SND1: variants seen among roughly 807,000 people sequenced by gnomAD.
SND1 encodes staphylococcal nuclease domain-containing protein 1.
SND1 carries 38 observed loss-of-function variants against 121.7 expected under a neutral mutation model. The ratio of observed to expected loss-of-function variants is 0.31; its 90% CI spans 0.24 to 0.41. SND1 has a LOEUF of 0.41. SND1 is among the 10% of genes least tolerant of loss of function. The probability of loss-of-function intolerance (pLI) is 1.00; values close to 1 mark genes in which losing one functional copy is unlikely to be tolerated. For synonymous variants in SND1, 401 were observed against 447.4 expected, an observed-to-expected ratio of 0.90 and a Z score of 1.31; for missense variants, 868 against 1,184.6, an observed-to-expected ratio of 0.73 and a Z score of 3.92.
intron 15 of SND1, among the ~76,000 whole-genome samples, chr7:127,985,674 A>G (rs1442878836): frequency 6.6e-6 from 1 of 152,236 alleles, no homozygotes; most frequent in East Asian, 1.9e-4. Context: ...AACTAACTTC[A>G]TGAGCACAAA....
At chr7:127,826,139 C>A (rs1459793193) in intron 11 of SND1, among the ~76,000 whole-genome samples, 2 of 152,110 alleles carry the variant, frequency 1.3e-5, no homozygotes, top group African/African-American at 4.8e-5. Context: ...TGCAGTGAGC[C>A]AAGATTGCGC....
rs377451926 is a variant in SND1 at position 128,029,568 on chromosome 7, G to A, written c.1779+38512G>A. On this transcript the variant is annotated intron_variant, in intron 16 of 23. Coordinates refer to ENST00000354725, the MANE Select transcript of SND1 (RefSeq NM_014390.4). The surrounding 1 kb of genome is among the most constrained non-coding windows in gnomAD (Gnocchi z 4.2). The stretch of plus-strand genomic sequence containing the variant: ...CTCAGAAATGTTGAGGTCTCGAGGT[G>A]CGTCCATGATGAAGGGGGCAGAGCA... 23 of 1,613,974 alleles carry A rather than the reference G, an allele frequency of 1.4e-5. No individual in the cohort carries two copies. Among genetic ancestry groups the A allele is most frequent in the Non-Finnish European group, 1.9e-5 (23 of 1,180,034 alleles).
intron 16 of SND1, chr7:127,998,961 A>G (rs1158925924): frequency 6.6e-6 from 1 of 152,212 alleles, no homozygotes; most frequent in Non-Finnish European, 1.5e-5. Flanking sequence ...CTGTTTCCCT[A>G]TTCCTCTCCT....
At chr7:127,986,108 T>C (rs1802383504) in intron 15 of SND1, among the ~76,000 whole-genome samples, 1 of 152,160 alleles carries the variant, frequency 6.6e-6, no homozygotes, top group African/African-American at 2.4e-5. Context: ...GACTTAGTTA[T>C]CATAAAACTC....
chr7:128,084,525 A>C (rs1359047306), intron 18 of SND1, among the ~76,000 whole-genome samples, 199 bp from the exon 19 acceptor site: 1 of 152,226 alleles, frequency 6.6e-6, no homozygotes, highest in East Asian at 1.9e-4. Flanking sequence ...CACCAGTCCC[A>C]CTTCTGAAGG....
chr7:127,759,651 A>T (rs997067155), intron 10 of SND1, among the ~76,000 whole-genome samples: 1 of 152,102 alleles, frequency 6.6e-6, no homozygotes, highest in African/African-American at 2.4e-5. Flanking sequence ...ATCTCAGTTG[A>T]TAAGCTCTAG....
At chr7:127,774,197 G>A (rs1028234094) in intron 10 of SND1, among the ~76,000 whole-genome samples, 1 of 152,116 alleles carries the variant, frequency 6.6e-6, no homozygotes, top group African/African-American at 2.4e-5. Context: ...CCTTCTAAGT[G>A]GGACAAGATG....
At chr7:127,694,014 T>TTCTACTGTGTGGATGTGGA (rs1795966920) in intron 2 of SND1, among the ~76,000 whole-genome samples, 2 of 152,166 alleles carry the variant, frequency 1.3e-5, no homozygotes, top group Non-Finnish European at 2.9e-5. Flanking sequence ...GATGTGTAGC[T>TTCTACTGTGTGGATGTGGA]CAGTCCTCGT....
chr7:127,954,930 C>T (rs568146093), intron 15 of SND1, among the ~76,000 whole-genome samples: 1 of 152,290 alleles, frequency 6.6e-6, no homozygotes, highest in South Asian at 2.1e-4. Context: ...TGACAAGCAG[C>T]AGGTTCTCTT....
intron 17 of SND1, among the ~76,000 whole-genome samples, chr7:128,077,770 T>A (rs568208450): frequency 1.3e-4 from 20 of 152,344 alleles, no homozygotes; most frequent in African/African-American, 4.3e-4. Context: ...TCTCCCAGCA[T>A]TCCTGGGCCC....
intron 12 of SND1, among the ~76,000 whole-genome samples, chr7:127,851,440 T>A (rs1485229040): frequency 1.3e-5 from 2 of 152,248 alleles, no homozygotes; most frequent in Non-Finnish European, 2.9e-5. Flanking sequence ...CTTTTTTTCT[T>A]CTATATTCAA....
intron 11 of SND1, among the ~76,000 whole-genome samples, chr7:127,809,373 T>A (rs1384709804): frequency 1.3e-5 from 2 of 152,226 alleles, no homozygotes; most frequent in Non-Finnish European, 2.9e-5. Context: ...AACTCAGCTC[T>A]GCTGGGCTGG....
intron 10 of SND1, among the ~76,000 whole-genome samples, chr7:127,774,307 A>G (rs1025412853): frequency 1.9e-4 from 29 of 152,372 alleles, no homozygotes; most frequent in Middle Eastern, 3.4e-3. Flanking sequence ...CTTTAAGACA[A>G]TAAAACTTTA....
At chr7:127,781,955 A>G (rs1371060975) in intron 10 of SND1, among the ~76,000 whole-genome samples, 1 of 152,176 alleles carries the variant, frequency 6.6e-6, no homozygotes, top group African/African-American at 2.4e-5. Context: ...TTTTTCACTT[A>G]AGACAACATC....
At chr7:127,986,853 C>G (rs1024378363) in intron 15 of SND1, among the ~76,000 whole-genome samples, 1 of 152,176 alleles carries the variant, frequency 6.6e-6, no homozygotes, top group Non-Finnish European at 1.5e-5. Flanking sequence ...CTGGCACACC[C>G]CATGATAGAG....
rs1374768161 is a variant in SND1 at position 128,086,976 on chromosome 7, A to G, written c.2343A>G (p.Ser781=). ...CATCCACCCGCCTGGGTACCCTATC[A>G]CCTGCCTTCAGCACTCGGGTGCTGC... ...VLPSTRLGTL[S]PAFSTRVLPA... The change falls in exon 21 of 24, where the codon TCA becomes TCG. Residue 781 remains serine, a synonymous_variant. Transcript: ENST00000354725. 1 of 1,613,950 alleles carries G rather than the reference A, an allele frequency of 6.2e-7. No homozygotes were observed. Among genetic ancestry groups the G allele is most frequent in the African/African-American group, 1.3e-5 (1 of 74,880 alleles).
At chr7:127,712,394 A>C (rs1278731601) in intron 9 of SND1, among the ~76,000 whole-genome samples, 1 of 152,176 alleles carries the variant, frequency 6.6e-6, no homozygotes, top group Non-Finnish European at 1.5e-5. Flanking sequence ...CCTGGGCTCA[A>C]GTGATCCTCC....
intron 10 of SND1, among the ~76,000 whole-genome samples, chr7:127,762,655 A>G (rs1349849513): frequency 6.6e-6 from 1 of 152,238 alleles, no homozygotes; most frequent in Non-Finnish European, 1.5e-5. Flanking sequence ...TAGAGAGAAT[A>G]CTTTGCCCTC....
At chr7:127,674,221 GT>G (rs1227270917) in intron 1 of SND1, among the ~76,000 whole-genome samples, 1 of 152,126 alleles carries the variant, frequency 6.6e-6, no homozygotes, top group Non-Finnish European at 1.5e-5. Context: ...CAAGATCTGG[GT>G]ACTAGGTGTG....
Sources: allele counts gnomAD v4.1 joint callset (sites outside exome capture counted in the v4.1 genomes callset), GRCh38; gene constraint gnomAD v4.1.1; non-coding constraint Gnocchi (gnomAD v3.1); transcripts MANE v1.5; gene names NCBI Gene and HGNC (gene_info 2026-07-23, HGNC 2026-07-21).